The following SGCD variants were observed in gnomAD, a reference collection of about 807,000 sequenced individuals.
SGCD encodes sarcoglycan delta, also known as delta-sarcoglycan.
In SGCD, 18 loss-of-function variants were observed where a neutral mutation model predicts 36.6. That is an observed-to-expected ratio of 0.49 (90% CI 0.34 to 0.73). The LOEUF (loss-of-function observed/expected upper bound fraction) is 0.73. Ranked by LOEUF, SGCD falls within the 30% of genes least tolerant of loss-of-function variation. The pLI, the probability that SGCD is intolerant of heterozygous loss-of-function variation, is 0.01. For synonymous variants in SGCD, 133 were observed against 130.6 expected (o/e 1.02, Z -0.12); for missense variants, 387 against 346.7 (o/e 1.12, Z -0.92).
intron 6 of SGCD, among the ~76,000 whole-genome samples, chr5:156,611,007 C>T (rs185388141): frequency 4.7e-4 from 71 of 152,360 alleles, no homozygotes; most frequent in Admixed American, 2.4e-3. Context: ...GGCGATGCCT[C>T]GCCCTGCTTC....
chr5:156,187,524 G>C (rs1763791420), intron 3 of SGCD, among the ~76,000 whole-genome samples: 1 of 92,426 alleles, frequency 1.1e-5, no homozygotes, highest in South Asian at 4.4e-4. Flanking sequence ...CTTACTAGCT[G>C]TGTGACCTTG....
chr5:156,431,451 G>A (rs530597017), intron 3 of SGCD, among the ~76,000 whole-genome samples: 2 of 152,216 alleles, frequency 1.3e-5, no homozygotes, highest in African/African-American at 4.8e-5. Flanking sequence ...TGCCAGAGGG[G>A]AACAAGGACC....
intron 3 of SGCD, among the ~76,000 whole-genome samples, chr5:156,405,559 C>A (rs1772360014): frequency 6.6e-6 from 1 of 152,128 alleles, no homozygotes; most frequent in South Asian, 2.1e-4. Context: ...GTCTAGAAAT[C>A]ACAGATTGAA....
chr5:156,622,913 G>A (rs1481220885), intron 6 of SGCD, among the ~76,000 whole-genome samples: 5 of 152,104 alleles, frequency 3.3e-5, no homozygotes, highest in East Asian at 1.9e-4. Context: ...GGAGAATGAC[G>A]GGAGCAAGTC....
At chr5:156,206,357 AT>A (rs990044665) in intron 3 of SGCD, among the ~76,000 whole-genome samples, 1 of 151,976 alleles carries the variant, frequency 6.6e-6, no homozygotes, top group Non-Finnish European at 1.5e-5. Flanking sequence ...TTGTGGACAT[AT>A]TTTTTTGGAT....
chr5:156,001,675 G>GT lies in SGCD; in HGVS notation c.-281-116196dup, dbSNP rs1209498797. On this transcript the variant is annotated intron_variant, in intron 1 of 9. Coordinates refer to the SGCD transcript ENST00000517913. Reference sequence around the variant, plus strand: ...TATTATTTTTCTATTAGATAAATGCGTTTTTTTGGCCAGAGAAATTACATT... The same window carrying GT: ...TATTATTTTTCTATTAGATAAATGCGTTTTTTTTGGCCAGAGAAATTACATT... Among the ~76,000 whole-genome samples the GT allele has an allele frequency of 2.6e-5, 4 of 152,070 alleles. No individual in the cohort carries two copies. The East Asian group carries it at 7.7e-4, about 29-fold the overall frequency.
chr5:156,604,106 A>T (rs1561808114), intron 6 of SGCD, among the ~76,000 whole-genome samples: 1 of 151,966 alleles, frequency 6.6e-6, no homozygotes, highest in Non-Finnish European at 1.5e-5. Context: ...TACAATTGTT[A>T]TATCTTCTTG....
At chr5:156,391,894 A>T (rs1356448877) in intron 3 of SGCD, among the ~76,000 whole-genome samples, 1 of 152,234 alleles carries the variant, frequency 6.6e-6, no homozygotes, top group African/African-American at 2.4e-5. Context: ...GCCTTGGGAA[A>T]TGTTGCTGTG....
At chr5:156,726,635 G>T (rs1273571536) in intron 7 of SGCD, among the ~76,000 whole-genome samples, 1 of 152,148 alleles carries the variant, frequency 6.6e-6, no homozygotes, top group Non-Finnish European at 1.5e-5. Flanking sequence ...TCAGCCTGAC[G>T]AAGTCTTTTT....
At chr5:156,529,609 T>C (rs1224225500) in intron 4 of SGCD, among the ~76,000 whole-genome samples, 2 of 152,174 alleles carry the variant, frequency 1.3e-5, no homozygotes, top group Admixed American at 6.5e-5. Context: ...TACCCAGTGC[T>C]CTGTCATTGC....
At chr5:155,731,830 C>T in the SGCD span, among the ~76,000 whole-genome samples, 1 of 152,164 alleles carries the variant, frequency 6.6e-6, no homozygotes, top group Non-Finnish European at 1.5e-5. Context: ...ACTTTGAGTG[C>T]CCCAGTTGGT....
intron 6 of SGCD, among the ~76,000 whole-genome samples, chr5:156,622,704 G>A (rs971660221): frequency 2.0e-5 from 3 of 152,116 alleles, no homozygotes; most frequent in Non-Finnish European, 2.9e-5. Flanking sequence ...TGGACAAAGG[G>A]GGGTGTGAGC....
intron 1 of SGCD, among the ~76,000 whole-genome samples, chr5:155,905,408 A>T (rs1191360705): frequency 6.6e-6 from 1 of 152,130 alleles, no homozygotes; most frequent in Admixed American, 6.6e-5. Flanking sequence ...GGGCCATCAG[A>T]TAACTAAGGA....
upstream of SGCD, chr5:155,870,311 T>A (rs1269100858): frequency 2.6e-5 from 4 of 152,220 alleles, no homozygotes; most frequent in African/African-American, 9.6e-5. Flanking sequence ...ACATGCCTGG[T>A]ACATATTAAG....
chr5:155,895,500 G>T (rs891279914), intron 1 of SGCD, among the ~76,000 whole-genome samples: 5 of 152,072 alleles, frequency 3.3e-5, no homozygotes, highest in South Asian at 2.1e-4. Context: ...CACAGCCAGG[G>T]GTTCATGAAA....
intron 1 of SGCD, among the ~76,000 whole-genome samples, chr5:156,037,368 A>C (rs1053471830): frequency 1.5e-4 from 23 of 152,168 alleles, no homozygotes; most frequent in African/African-American, 4.8e-4. Flanking sequence ...CTGATAAAAC[A>C]GTGCAGCTGC....
At chr5:156,329,704 T>A in intron 2 of SGCD, 125 bp downstream of exon 2, 1 of 866,804 alleles carries the variant, frequency 1.2e-6, no homozygotes, top group Non-Finnish European at 1.7e-6. Flanking sequence ...GACATTTCTT[T>A]AATTTTACTT....
the SGCD span, among the ~76,000 whole-genome samples, chr5:155,817,621 T>C: frequency 6.6e-6 from 1 of 152,148 alleles, no homozygotes; most frequent in South Asian, 2.1e-4. Context: ...TCTTTTCTTT[T>C]CCAAATAATA....
At chr5:156,415,844 A>T (rs1465753248) in intron 3 of SGCD, among the ~76,000 whole-genome samples, 1 of 152,200 alleles carries the variant, frequency 6.6e-6, no homozygotes, top group Admixed American at 6.5e-5. Flanking sequence ...TATGGTTTCT[A>T]ATTTACTTCT....
Sources: allele counts gnomAD v4.1 joint callset (sites outside exome capture counted in the v4.1 genomes callset), GRCh38; gene constraint gnomAD v4.1.1; transcripts MANE v1.5; gene names NCBI Gene and HGNC (gene_info 2026-07-23, HGNC 2026-07-21).